Variants in GRID2 observed in about 807,000 individuals in gnomAD.
The protein encoded by GRID2 is glutamate ionotropic receptor delta type subunit 2.
A neutral mutation model predicts 114.8 loss-of-function variants in GRID2; 33 were observed. That is an observed-to-expected ratio of 0.29 (90% confidence interval 0.22 to 0.38). The LOEUF (loss-of-function observed/expected upper bound fraction) is 0.38. Among genes scored for constraint, GRID2 ranks in the 10% least tolerant of loss-of-function variants. The pLI is 1.00. For synonymous variants in GRID2, 505 were observed against 449.9 expected, an observed-to-expected ratio of 1.12 and a Z score of -1.55; for missense variants, 1,184 against 1,257.7, an observed-to-expected ratio of 0.94 and a Z score of 0.89.
chr4:93,237,274 A>T (rs925278851), intron 7 of GRID2, among the ~76,000 whole-genome samples: 1 of 152,000 alleles, frequency 6.6e-6, no homozygotes, highest in African/African-American at 2.4e-5. Flanking sequence ...TATTATAAAA[A>T]TACAATAGAT....
chr4:93,781,292 A>G (rs973055624), intron 1 of GRID2, among the ~76,000 whole-genome samples: 1 of 152,100 alleles, frequency 6.6e-6, no homozygotes, highest in Admixed American at 6.5e-5. Flanking sequence ...CCAGATTCCC[A>G]AGGGTTTTGC....
chr4:93,408,237 G>A (rs538105915), intron 9 of GRID2, among the ~76,000 whole-genome samples: 2 of 152,146 alleles, frequency 1.3e-5, no homozygotes, highest in Non-Finnish European at 2.9e-5. Flanking sequence ...TGTTTTATCA[G>A]TCTCAGGGAA....
At chr4:93,351,210 A>T (rs1194388676) in intron 8 of GRID2, among the ~76,000 whole-genome samples, 1 of 152,098 alleles carries the variant, frequency 6.6e-6, no homozygotes, top group Non-Finnish European at 1.5e-5. Context: ...TCATGCATTC[A>T]TGTTAATACG....
chr4:92,372,047 G>A (rs1729139783), intron 1 of GRID2, among the ~76,000 whole-genome samples: 1 of 152,132 alleles, frequency 6.6e-6, no homozygotes. Flanking sequence ...ATTGAAAGTG[G>A]AGCCTAAAGA....
intron 14 of GRID2, among the ~76,000 whole-genome samples, chr4:93,637,708 A>C: frequency 6.6e-6 from 1 of 152,164 alleles, no homozygotes; most frequent in East Asian, 1.9e-4. Flanking sequence ...GAAAATTGAA[A>C]GCTATGGGAC....
intron 2 of GRID2, among the ~76,000 whole-genome samples, chr4:92,897,671 G>A (rs1747272881): frequency 6.6e-6 from 1 of 152,116 alleles, no homozygotes; most frequent in Admixed American, 6.5e-5. Flanking sequence ...ATTCAAGTGT[G>A]TAACTATATA....
chr4:92,367,319 C>T lies in GRID2; in HGVS notation c.88+62575C>T, dbSNP rs549384238. Among the ~76,000 whole-genome samples, 128 of 152,064 alleles carry T rather than the reference C, an allele frequency of 8.4e-4. 1 individual carries two copies. Among genetic ancestry groups the T allele is most frequent in the African/African-American group, 3.0e-3 (124 of 41,518 alleles). On this transcript the variant is annotated intron_variant, in intron 1 of 15. Transcript: ENST00000282020. ...AAGAGAACAATGATAAAATAATGTG[C>T]ATGTACATCAATAAAATTGCAAAAT...
Position 93,232,519 on chromosome 4 carries a change from TAG to T in GRID2, c.1126-5849_1126-5848del, listed in dbSNP as rs571510959. Among the ~76,000 whole-genome samples, 727 of 150,642 alleles carry T rather than the reference TAG, an allele frequency of 4.8e-3. 6 individuals carry two copies. The highest frequency in any genetic ancestry group is 0.017 in the African/African-American group (702 of 41,324). On this transcript the variant is annotated intron_variant, in intron 7 of 15. Coordinates refer to ENST00000282020, the MANE Select transcript of GRID2 (RefSeq NM_001510.4). ...CAACATATATCAATATGATATCTGA[TAG>T]AGTTATCTTGATATATGTATTCTAT...
intron 1 of GRID2, among the ~76,000 whole-genome samples, chr4:92,475,153 TAAA>T (rs1011761081): frequency 7.1e-6 from 1 of 140,296 alleles, no homozygotes; most frequent in African/African-American, 2.7e-5. Context: ...ATAATAATAA[TAAA>T]AAGCTTTTTA....
At chr4:92,441,119 G>T (rs71489441) in intron 1 of GRID2, among the ~76,000 whole-genome samples, 153 of 152,128 alleles carry the variant, frequency 1.0e-3, no homozygotes, top group African/African-American at 3.6e-3. Flanking sequence ...TACAGGGTGC[G>T]GTCCTGGCTC....
intron 1 of GRID2, among the ~76,000 whole-genome samples, chr4:93,804,856 T>G (rs1735000472): frequency 6.6e-6 from 1 of 152,198 alleles, no homozygotes; most frequent in Non-Finnish European, 1.5e-5. Flanking sequence ...TATCTTCCTC[T>G]CTGCAACTAC....
chr4:93,482,787 C>T (rs908275891), intron 11 of GRID2, among the ~76,000 whole-genome samples: 1 of 151,968 alleles, frequency 6.6e-6, no homozygotes, highest in African/African-American at 2.4e-5. Context: ...TGTGCTCTCT[C>T]TCCCTACCAC....
At chr4:93,168,786 G>C (rs1738512617) in intron 4 of GRID2, among the ~76,000 whole-genome samples, 1 of 151,218 alleles carries the variant, frequency 6.6e-6, no homozygotes, top group Admixed American at 6.6e-5. Context: ...AATTTCTAGG[G>C]TTACTTCTTA....
chr4:92,796,868 A>G (rs1020831357), intron 2 of GRID2, among the ~76,000 whole-genome samples: 1 of 151,952 alleles, frequency 6.6e-6, no homozygotes, highest in African/African-American at 2.4e-5. Flanking sequence ...GTTAGAGTCT[A>G]TAGGTAGGCT....
Position 93,140,793 on chromosome 4 carries a change from C to T in GRID2, c.735+29840C>T, listed in dbSNP as rs575812564. 2.0e-5 allele frequency among the ~76,000 whole-genome samples: 3 copies of T among 152,244 alleles called. No individual in the cohort carries two copies. The East Asian group carries it at 5.8e-4, about 29-fold the overall frequency. On this transcript the variant is annotated intron_variant, in intron 4 of 15. Coordinates refer to ENST00000282020, the MANE Select transcript of GRID2 (RefSeq NM_001510.4). ...ATCAATACATTTCACATAAATACAG[C>T]AGTATTATGCTCTAGGTTCCCAGAA...
At chr4:93,755,276 A>G (rs1276775510) in intron 14 of GRID2, among the ~76,000 whole-genome samples, 2 of 152,224 alleles carry the variant, frequency 1.3e-5, no homozygotes, top group Non-Finnish European at 2.9e-5. Flanking sequence ...TACATTATCT[A>G]AAGTAATAGA....
At chr4:93,225,116 A>T (rs533855365) in intron 7 of GRID2, among the ~76,000 whole-genome samples, 2 of 152,368 alleles carry the variant, frequency 1.3e-5, no homozygotes, top group African/African-American at 4.8e-5. Flanking sequence ...CACTAAAAAA[A>T]TTAACAGTAG....
chr4:92,820,341 T>G (rs916944009), intron 2 of GRID2, among the ~76,000 whole-genome samples: 6 of 152,116 alleles, frequency 3.9e-5, no homozygotes, highest in Admixed American at 1.3e-4. Flanking sequence ...TGAGTAGATC[T>G]TAGGGATTCT....
intron 2 of GRID2, among the ~76,000 whole-genome samples, chr4:92,902,125 C>T (rs1307541084): frequency 6.6e-6 from 1 of 152,100 alleles, no homozygotes; most frequent in Non-Finnish European, 1.5e-5. Context: ...TTTGCACTAA[C>T]CTAATATTCT....
Sources: allele counts gnomAD v4.1 joint callset (sites outside exome capture counted in the v4.1 genomes callset), GRCh38; gene constraint gnomAD v4.1.1; transcripts MANE v1.5; gene names NCBI Gene and HGNC (gene_info 2026-07-23, HGNC 2026-07-21).